FILIP1L: variants seen among roughly 807,000 people sequenced by gnomAD.
FILIP1L encodes filamin A interacting protein 1 like.
A neutral mutation model predicts 96.6 loss-of-function variants in FILIP1L; 55 were observed. The ratio of observed to expected loss-of-function variants is 0.57; its 90% CI spans 0.46 to 0.71. The LOEUF is 0.71. FILIP1L is among the 30% of genes least tolerant of loss of function. The pLI is 0.00. For synonymous variants in FILIP1L, 467 were observed against 473.9 expected (o/e 0.99, Z 0.19); for missense variants, 1,304 against 1,321.2 (o/e 0.99, Z 0.20).
At chr3:99,933,127 G>A (rs1365362199) in intron 1 of FILIP1L, among the ~76,000 whole-genome samples, 2 of 152,190 alleles carry the variant, frequency 1.3e-5, no homozygotes, top group Non-Finnish European at 2.9e-5. Flanking sequence ...TGGGATTTGA[G>A]TCTAGGAAAC....
At chr3:99,899,287 T>C (rs1706360152) in intron 4 of FILIP1L, among the ~76,000 whole-genome samples, 1 of 152,246 alleles carries the variant, frequency 6.6e-6, no homozygotes, top group Non-Finnish European at 1.5e-5. Flanking sequence ...AAGCAGATTT[T>C]TGGTTTCCAA....
chr3:100,070,146 T>C (rs909922024), intron 1 of FILIP1L, among the ~76,000 whole-genome samples: 2 of 152,218 alleles, frequency 1.3e-5, no homozygotes, highest in African/African-American at 4.8e-5. Context: ...TGAAGTGCTC[T>C]GTGCTCATTC....
At chr3:99,926,217 C>T (rs1394146203) in intron 3 of FILIP1L, among the ~76,000 whole-genome samples, 1 of 152,300 alleles carries the variant, frequency 6.6e-6, no homozygotes, top group East Asian at 1.9e-4. Context: ...AAGAGTACAA[C>T]TGAGGTGTCC....
intron 1 of FILIP1L, among the ~76,000 whole-genome samples, chr3:99,971,211 A>G (rs938764366): frequency 3.1e-4 from 47 of 152,098 alleles, no homozygotes; most frequent in African/African-American, 1.0e-3. Flanking sequence ...CTGGTGGCAG[A>G]TGCCTGTAGT....
At chr3:100,059,269 C>T (rs1382898939) in intron 1 of FILIP1L, among the ~76,000 whole-genome samples, 1 of 152,122 alleles carries the variant, frequency 6.6e-6, no homozygotes, top group Admixed American at 6.5e-5. Flanking sequence ...TTTCTTTTTC[C>T]TTAAAGGGCT....
intron 1 of FILIP1L, among the ~76,000 whole-genome samples, chr3:100,006,344 G>T (rs1709984973): frequency 6.6e-6 from 1 of 152,018 alleles, no homozygotes; most frequent in Non-Finnish European, 1.5e-5. Flanking sequence ...ATTTCTTCAT[G>T]AGTGGAATAG....
intron 1 of FILIP1L, among the ~76,000 whole-genome samples, chr3:99,991,593 C>G (rs992712372): frequency 6.6e-6 from 1 of 151,982 alleles, no homozygotes; most frequent in Non-Finnish European, 1.5e-5. Context: ...TTTCAACCCT[C>G]ACCCCCCTGC....
intron 1 of FILIP1L, among the ~76,000 whole-genome samples, chr3:99,998,105 A>G (rs1709734922): frequency 6.6e-6 from 1 of 152,242 alleles, no homozygotes; most frequent in South Asian, 2.1e-4. Flanking sequence ...TGGTGCGGAA[A>G]TTCAGAATCA....
chr3:99,841,235 G>A (rs1248920954), intron 5 of FILIP1L, among the ~76,000 whole-genome samples: 1 of 152,186 alleles, frequency 6.6e-6, no homozygotes, highest in Non-Finnish European at 1.5e-5. Flanking sequence ...CAGAGTATAT[G>A]TACATTTGAA....
At chr3:99,851,297 G>C (rs1009408905) in intron 4 of FILIP1L, among the ~76,000 whole-genome samples, 1 of 152,116 alleles carries the variant, frequency 6.6e-6, no homozygotes. Flanking sequence ...ATTTCACCAG[G>C]AGCCTTAGTA....
rs138298130 is a variant in FILIP1L at position 99,990,144 on chromosome 3, C to G, written c.-10-59114G>C. On this transcript the variant is annotated intron_variant, in intron 1 of 5. Coordinates refer to ENST00000477258, the MANE Select transcript of FILIP1L (RefSeq NM_001387850.1). ...AGCAGCTATTGTATGCCAGATACTG[C>G]CTATGCTCTAGAAATAAAATAATGA... 2.2e-3 allele frequency among the ~76,000 whole-genome samples: 340 copies of G among 152,184 alleles called. 6 individuals carry two copies. Among genetic ancestry groups the G allele is most frequent in the African/African-American group, 7.3e-3 (304 of 41,502 alleles).
At chr3:100,007,754 C>T (rs1710029254) in intron 1 of FILIP1L, among the ~76,000 whole-genome samples, 1 of 151,834 alleles carries the variant, frequency 6.6e-6, no homozygotes, top group Non-Finnish European at 1.5e-5. Context: ...CCACTGTTAC[C>T]AATTGTGATA....
chr3:99,925,390 T>A (rs1294484719), intron 3 of FILIP1L, among the ~76,000 whole-genome samples: 1 of 152,186 alleles, frequency 6.6e-6, no homozygotes, highest in East Asian at 1.9e-4. Context: ...TGGGCCTACA[T>A]CCTTCTTTTT....
At chr3:99,901,235 A>G (rs1192768009) in intron 4 of FILIP1L, among the ~76,000 whole-genome samples, 2 of 152,220 alleles carry the variant, frequency 1.3e-5, no homozygotes, top group Non-Finnish European at 2.9e-5. Context: ...TTGAAATAGG[A>G]TAGTACCTTC....
chr3:99,919,012 G>A (rs1338151964), intron 4 of FILIP1L, among the ~76,000 whole-genome samples: 3 of 152,166 alleles, frequency 2.0e-5, no homozygotes. Context: ...AGTTTAGTGT[G>A]TATGAAATTT....
At chr3:99,852,752 T>C (rs530575997) in intron 4 of FILIP1L, among the ~76,000 whole-genome samples, 21 of 152,262 alleles carry the variant, frequency 1.4e-4, no homozygotes, top group Non-Finnish European at 1.5e-4. Context: ...TGAGAGAACA[T>C]TTTAAAAGGA....
intron 1 of FILIP1L, among the ~76,000 whole-genome samples, chr3:100,081,307 A>G (rs542297679): frequency 6.6e-6 from 1 of 152,312 alleles, no homozygotes; most frequent in East Asian, 1.9e-4. Context: ...TTCATGTAAA[A>G]CAAATTATAT....
At chr3:100,033,237 C>CCAGGTT (rs1559733145) in intron 1 of FILIP1L, among the ~76,000 whole-genome samples, 8 of 152,130 alleles carry the variant, frequency 5.3e-5, no homozygotes, top group Admixed American at 2.0e-4. Context: ...GTTTATGTGT[C>CCAGGTT]CATTGACTGC....
intron 1 of FILIP1L, among the ~76,000 whole-genome samples, chr3:99,999,417 G>C (rs192005098): frequency 1.3e-5 from 2 of 152,278 alleles, no homozygotes; most frequent in East Asian, 3.9e-4. Context: ...TGGATGGATG[G>C]GTGGGTGAGT....
Sources: gnomAD v4.1 joint callset for allele counts (sites outside exome capture counted in the v4.1 genomes callset) on GRCh38, gnomAD v4.1.1 for gene constraint, MANE v1.5 for transcripts, NCBI Gene and HGNC (gene_info 2026-07-23, HGNC 2026-07-21) for gene names.